Variants in ST3GAL3 observed in about 807,000 individuals in gnomAD.
ST3GAL3 encodes the protein CMP-N-acetylneuraminate-beta-1,4-galactoside alpha-2,3-sialyltransferase.
A neutral mutation model predicts 50.1 loss-of-function variants in ST3GAL3; 21 were observed. The ratio of observed to expected loss-of-function variants is 0.42; its 90% CI spans 0.30 to 0.60. ST3GAL3 has a LOEUF of 0.60. Ranked by LOEUF, ST3GAL3 falls within the 20% of genes least tolerant of loss-of-function variation. The pLI is 0.19. For synonymous variants in ST3GAL3, 183 were observed against 190.0 expected (o/e 0.96, Z 0.30); for missense variants, 353 against 489.4 (o/e 0.72, Z 2.63).
chr1:43,817,688 T>C (rs2061527482), intron 4 of ST3GAL3, among the ~76,000 whole-genome samples: 1 of 139,446 alleles, frequency 7.2e-6, no homozygotes, highest in Non-Finnish European at 1.5e-5. Context: ...TCTCCTTCCT[T>C]CTTCTTCTCC....
At chr1:43,747,239 C>T (rs1202695279) in intron 2 of ST3GAL3, among the ~76,000 whole-genome samples, 1 of 152,072 alleles carries the variant, frequency 6.6e-6, no homozygotes, top group Non-Finnish European at 1.5e-5. Flanking sequence ...GAAACCCCAT[C>T]TCTACTAAAA....
At chr1:43,898,071 G>A in intron 6 of ST3GAL3, 164 bp from the exon 7 acceptor site, 1 of 751,624 alleles carries the variant, frequency 1.3e-6, no homozygotes, top group Non-Finnish European at 2.3e-6. Flanking sequence ...TTCTCAGGAA[G>A]AAAGTCAGGG....
chr1:43,927,038 A>T (rs192227253), intron 11 of ST3GAL3, among the ~76,000 whole-genome samples: 1 of 152,164 alleles, frequency 6.6e-6, no homozygotes, highest in East Asian at 1.9e-4. Context: ...AACCATAAAT[A>T]CTTCATTCAG....
chr1:43,882,355 G>A (rs1358797939), intron 5 of ST3GAL3, among the ~76,000 whole-genome samples: 2 of 152,100 alleles, frequency 1.3e-5, no homozygotes, highest in African/African-American at 2.4e-5. Flanking sequence ...GAGAAGAGGG[G>A]GTATCTGAGG....
intron 1 of ST3GAL3, among the ~76,000 whole-genome samples, chr1:43,723,274 A>G (rs1671353688): frequency 6.6e-6 from 1 of 151,962 alleles, no homozygotes; most frequent in Non-Finnish European, 1.5e-5. Flanking sequence ...ACACCCAGCT[A>G]AGTTTTGTAT....
chr1:43,770,679 G>A (rs1215183899), intron 2 of ST3GAL3, among the ~76,000 whole-genome samples: 2 of 152,094 alleles, frequency 1.3e-5, no homozygotes, highest in African/African-American at 4.8e-5. Context: ...TACTACAGAT[G>A]CACATGAGAC....
At chr1:43,712,672 A>G (rs1184333228) in intron 1 of ST3GAL3, among the ~76,000 whole-genome samples, 1 of 152,186 alleles carries the variant, frequency 6.6e-6, no homozygotes, top group African/African-American at 2.4e-5. Flanking sequence ...TTTTCTAGGG[A>G]AGTTCACATC....
intron 3 of ST3GAL3, among the ~76,000 whole-genome samples, chr1:43,807,722 GTAGATTTGAGATCCATT>G (rs1301320762): frequency 1.3e-5 from 2 of 152,154 alleles, no homozygotes; most frequent in African/African-American, 2.4e-5. Flanking sequence ...AGAAAAGTAA[GTAGATTTGAGATCCATT>G]TAGATTTGAG....
chr1:43,798,643 A>G (rs2058966900), intron 3 of ST3GAL3, among the ~76,000 whole-genome samples: 1 of 152,186 alleles, frequency 6.6e-6, no homozygotes, highest in Admixed American at 6.5e-5. Flanking sequence ...AGACCACTTC[A>G]TCTAAAGTAG....
In ST3GAL3 at chr1:43,765,770, TGTGTGTGTGTGTGTGCGC is replaced by T. The variant is rs1188116508; in HGVS notation, c.119-26330_119-26313del. Among the ~76,000 whole-genome samples the T allele has an allele frequency of 2.5e-3, 320 of 127,876 alleles. 1 individual carries two copies. The highest frequency in any genetic ancestry group is 4.1e-3 in the African/African-American group (126 of 30,910). 83.9% of individuals were successfully genotyped at this position (127,876 alleles called of 152,430 possible). A position where few individuals can be genotyped will look rare whatever the true frequency, so the allele number is the denominator to read the frequency against. On this transcript the variant is annotated intron_variant, in intron 2 of 11. Transcript: ENST00000347631. ...GTGTGTGTCTGTGTGTGTGTGTGTG[TGTGTGTGTGTGTGTGCGC>T]GCGCGCGCGCGCGTCCGCGCGTCCG...
At chr1:43,748,588 TA>T (rs201182334) in intron 2 of ST3GAL3, among the ~76,000 whole-genome samples, 20 of 151,280 alleles carry the variant, frequency 1.3e-4, no homozygotes, top group Admixed American at 7.9e-4. Flanking sequence ...CCAGCCAATT[TA>T]AAAAAAAAAT....
At position 43,851,339 on chromosome 1, in the gene ST3GAL3, G is replaced by A. The variant is rs1220111485; in HGVS notation, c.302+13028G>A. On this transcript the variant is annotated intron_variant, in intron 5 of 11. Coordinates refer to ENST00000347631, the MANE Select transcript of ST3GAL3 (RefSeq NM_006279.5). The stretch of plus-strand genomic sequence containing the variant: ...GTCCAGGCCCATGATGCACCCATGG[G>A]TTTCCACCAGGGCAGTTACACTCAA... 20 of 1,545,782 alleles carry A rather than the reference G, an allele frequency of 1.3e-5. No individual in the cohort carries two copies. The South Asian group carries it at 2.1e-4, about 16-fold the overall frequency.
At chr1:43,835,874 G>A (rs1049579859) in intron 4 of ST3GAL3, among the ~76,000 whole-genome samples, 16 of 152,254 alleles carry the variant, frequency 1.1e-4, no homozygotes, top group African/African-American at 3.1e-4. Flanking sequence ...CCTTACTGCC[G>A]CAGACCAAAG....
chr1:43,900,540 C>T (rs902973794), intron 9 of ST3GAL3, among the ~76,000 whole-genome samples: 3 of 152,142 alleles, frequency 2.0e-5, no homozygotes, highest in African/African-American at 2.4e-5. Flanking sequence ...AACCAGCTGT[C>T]ACCAGCAGCC....
intron 3 of ST3GAL3, chr1:43,801,280 A>T (rs1241858473): frequency 1.3e-5 from 6 of 456,170 alleles, no homozygotes; most frequent in East Asian, 6.9e-5. Flanking sequence ...TCTTTGTGCC[A>T]GGTACAGTGA....
At chr1:43,797,898 G>A (rs889571957) in intron 3 of ST3GAL3, among the ~76,000 whole-genome samples, 30 of 152,188 alleles carry the variant, frequency 2.0e-4, no homozygotes, top group African/African-American at 5.8e-4. Context: ...GACAGGATAC[G>A]AGGTCAAAAC....
chr1:43,723,409 T>TCAGGTATTTA, intron 1 of ST3GAL3, among the ~76,000 whole-genome samples: 1 of 151,898 alleles, frequency 6.6e-6, no homozygotes. Flanking sequence ...ACGCCCGGCC[T>TCAGGTATTTA]TCCCTCCTCT....
At chr1:43,812,246 GA>G (rs145902657) in intron 3 of ST3GAL3, among the ~76,000 whole-genome samples, 29,623 of 152,140 alleles carry the variant, frequency 0.19, 3,855 homozygotes, top group Middle Eastern at 0.29. Flanking sequence ...TTCCTGGCTT[GA>G]AAAAAATCTG....
At chr1:43,913,345 C>T (rs972758278) in intron 9 of ST3GAL3, 1 of 152,234 alleles carries the variant, frequency 6.6e-6, no homozygotes, top group Admixed American at 6.5e-5. Flanking sequence ...CTAATCCTTA[C>T]AGCTATCTGG....
Sources: gnomAD v4.1 joint callset for allele counts (sites outside exome capture counted in the v4.1 genomes callset) on GRCh38, gnomAD v4.1.1 for gene constraint, MANE v1.5 for transcripts, NCBI Gene and HGNC (gene_info 2026-07-23, HGNC 2026-07-21) for gene names.